The following CSNK1G3 variants were observed in gnomAD, a reference collection of about 807,000 sequenced individuals.
CSNK1G3 encodes the protein casein kinase 1 gamma 3, also known as casein kinase I isoform gamma-3.
In CSNK1G3, 23 loss-of-function variants were observed where a neutral mutation model predicts 64.3. That is an observed-to-expected ratio of 0.36 (90% confidence interval 0.26 to 0.51). CSNK1G3 has a LOEUF of 0.51. Among genes scored for constraint, CSNK1G3 ranks in the 20% least tolerant of loss-of-function variants. The pLI, the probability that CSNK1G3 is intolerant of heterozygous loss-of-function variation, is 0.96. For synonymous variants in CSNK1G3, 158 were observed against 162.2 expected (o/e 0.97, Z 0.20); for missense variants, 357 against 510.5 (o/e 0.70, Z 2.90).
At chr5:123,591,396 G>A in exon 10 of CSNK1G3, 1 of 1,607,832 alleles carries the variant, frequency 6.2e-7, no homozygotes, top group Non-Finnish European at 8.5e-7. Context: ...GAGATAAGAT[G>A]CAACAATCCA....
chr5:123,594,398 C>G (rs909515316), intron 10 of CSNK1G3, among the ~76,000 whole-genome samples: 2 of 152,022 alleles, frequency 1.3e-5, no homozygotes, highest in Non-Finnish European at 2.9e-5. Flanking sequence ...AAAAGGAGAT[C>G]AAGGAAGCAG....
chr5:123,570,360 T>TTTTTTC (rs1296685856), intron 4 of CSNK1G3, among the ~76,000 whole-genome samples: 2 of 150,114 alleles, frequency 1.3e-5, no homozygotes, highest in Admixed American at 6.6e-5. Context: ...TTTTTTTTTT[T>TTTTTTC]TTTTTCTTTT....
At chr5:123,585,383 A>T (rs1791139588) in intron 6 of CSNK1G3, among the ~76,000 whole-genome samples, 1 of 152,148 alleles carries the variant, frequency 6.6e-6, no homozygotes, top group Non-Finnish European at 1.5e-5. Flanking sequence ...AAAAAACAGG[A>T]TAAAATCTTT....
intron 6 of CSNK1G3, among the ~76,000 whole-genome samples, chr5:123,585,887 T>A (rs1203492558): frequency 6.6e-6 from 1 of 152,170 alleles, no homozygotes; most frequent in Non-Finnish European, 1.5e-5. Context: ...ATATAGAAGT[T>A]TTTTATAAAG....
intron 4 of CSNK1G3, among the ~76,000 whole-genome samples, chr5:123,564,266 G>A (rs1028910409): frequency 6.6e-6 from 1 of 151,924 alleles, no homozygotes; most frequent in Non-Finnish European, 1.5e-5. Flanking sequence ...GGTTTATATG[G>A]TGCAGGCATT....
intron 1 of CSNK1G3, among the ~76,000 whole-genome samples, chr5:123,542,886 G>GTGTT (rs1781903429): frequency 6.9e-6 from 1 of 145,418 alleles, no homozygotes; most frequent in Non-Finnish European, 1.5e-5. Flanking sequence ...GTGTGTGTGT[G>GTGTT]TTTACCAAAT....
At chr5:123,584,239 G>A (rs183205375) in intron 6 of CSNK1G3, among the ~76,000 whole-genome samples, 129 of 152,198 alleles carry the variant, frequency 8.5e-4, no homozygotes, top group Non-Finnish European at 1.6e-3. Context: ...GGACATCTTT[G>A]TTCGTTCTTG....
At chr5:123,601,943 TC>T (rs1431874648) in intron 10 of CSNK1G3, among the ~76,000 whole-genome samples, 2 of 152,160 alleles carry the variant, frequency 1.3e-5, no homozygotes, top group Non-Finnish European at 2.9e-5. Flanking sequence ...GTGTCTCCTT[TC>T]CAATTTAGTG....
At chr5:123,603,798 G>C (rs1794887196) in intron 10 of CSNK1G3, among the ~76,000 whole-genome samples, 1 of 152,120 alleles carries the variant, frequency 6.6e-6, no homozygotes, top group Non-Finnish European at 1.5e-5. Flanking sequence ...ATATTGGATG[G>C]AGGCTAGTGA....
intron 4 of CSNK1G3, among the ~76,000 whole-genome samples, chr5:123,558,939 T>G (rs1230156072): frequency 1.3e-5 from 2 of 152,192 alleles, no homozygotes; most frequent in African/African-American, 4.8e-5. Context: ...ACATGTCAAG[T>G]CTCTATGATA....
chr5:123,518,675 G>T (rs952202670), intron 1 of CSNK1G3, among the ~76,000 whole-genome samples: 1 of 152,194 alleles, frequency 6.6e-6, no homozygotes, highest in African/African-American at 2.4e-5. Flanking sequence ...CATAAGGGAA[G>T]TAAGGTTATC....
intron 10 of CSNK1G3, 52 bp from the exon 11 acceptor site, chr5:123,594,987 A>G (rs559769721): frequency 1.4e-6 from 2 of 1,473,462 alleles, no homozygotes; most frequent in Admixed American, 3.5e-5. Context: ...AATGTTTAAC[A>G]TATTGGGTTT....
chr5:123,579,333 A>G lies in CSNK1G3; in HGVS notation c.673+3370A>G, dbSNP rs1303311659. On this transcript the variant is annotated intron_variant, in intron 6 of 12. Coordinates refer to ENST00000345990, the Ensembl canonical transcript of CSNK1G3. ...AAGAAAAGTAAGTTTCAAATATTTA[A>G]AATTATGAAACACAAGTTTTATTCA... 2.6e-5 allele frequency among the ~76,000 whole-genome samples: 4 copies of G among 151,846 alleles called. No homozygotes were observed. The East Asian group carries it at 7.7e-4, about 29-fold the overall frequency.
intron 1 of CSNK1G3, among the ~76,000 whole-genome samples, chr5:123,541,839 T>G: frequency 6.6e-6 from 1 of 152,152 alleles, no homozygotes; most frequent in East Asian, 1.9e-4. Context: ...TTTCATTTTA[T>G]GTATGTTTTA....
chr5:123,605,508 A>G (rs1561623337), intron 12 of CSNK1G3, 146 bp downstream of exon 13: 6 of 888,170 alleles, frequency 6.8e-6, no homozygotes, highest in Non-Finnish European at 1.0e-5. Context: ...GATATCATTA[A>G]GATAGCTCTG....
At chr5:123,544,555 G>A (rs1397476290) in intron 1 of CSNK1G3, among the ~76,000 whole-genome samples, 1 of 152,110 alleles carries the variant, frequency 6.6e-6, no homozygotes, top group African/African-American at 2.4e-5. Flanking sequence ...TAATAGCAAC[G>A]AATGATAGCC....
At chr5:123,574,031 T>A (rs1581212326) in intron 5 of CSNK1G3, among the ~76,000 whole-genome samples, 1 of 151,942 alleles carries the variant, frequency 6.6e-6, no homozygotes, top group East Asian at 1.9e-4. Flanking sequence ...TTGTATTTTT[T>A]GTAGAGACAG....
intron 10 of CSNK1G3, among the ~76,000 whole-genome samples, chr5:123,596,321 T>A (rs1016173688): frequency 2.6e-5 from 4 of 152,086 alleles, no homozygotes; most frequent in Non-Finnish European, 5.9e-5. Flanking sequence ...TTTTATGACT[T>A]CAATTCATAT....
intron 4 of CSNK1G3, among the ~76,000 whole-genome samples, chr5:123,564,723 CTG>C (rs1411345895): frequency 6.6e-6 from 1 of 152,034 alleles, no homozygotes; most frequent in African/African-American, 2.4e-5. Flanking sequence ...ACAGAAAGGA[CTG>C]TTGCTCTTTT....
Sources: gnomAD v4.1 joint callset for allele counts (sites outside exome capture counted in the v4.1 genomes callset) on GRCh38, gnomAD v4.1.1 for gene constraint, MANE v1.5 for transcripts, NCBI Gene and HGNC (gene_info 2026-07-23, HGNC 2026-07-21) for gene names.